Variants in ZER1 observed in about 807,000 individuals in gnomAD.
The protein encoded by ZER1 is protein zer-1 homolog.
ZER1 carries 11 observed loss-of-function variants against 78.8 expected under a neutral mutation model. The ratio of observed to expected loss-of-function variants is 0.14; its 90% CI spans 0.09 to 0.23. ZER1 has a LOEUF of 0.23. Ranked by LOEUF, ZER1 falls within the 10% of genes least tolerant of loss-of-function variation. The probability of loss-of-function intolerance (pLI) is 1.00; values close to 1 mark genes in which losing one functional copy is unlikely to be tolerated. For synonymous variants in ZER1, 400 were observed against 407.0 expected (o/e 0.98, Z 0.21); for missense variants, 588 against 996.9 (o/e 0.59, Z 5.52).
chr9:128,753,224 A>C lies in ZER1; in HGVS notation c.686T>G (p.Leu229Arg). The C allele has an allele frequency of 6.3e-7, 1 of 1,586,122 alleles. No homozygotes were observed. The highest frequency in any genetic ancestry group is 1.3e-5 in the African/African-American group (1 of 74,464). Residue 229 changes from leucine (L) to arginine (R), a missense_variant, in exon 4 of 16, where the codon CTC (leucine) becomes CGC (arginine). Around this residue, in one of 3 missense-constraint regions of ZER1, gnomAD observed 406 missense variants for 660.1 expected, o/e 0.62. Transcript: ENST00000291900. This position sits in a 1 kb window ranked among gnomAD's most constrained non-coding sequence, Gnocchi z 7.5. ...GTCGTCGGACAGGTCCATGTTGTAG[A>C]GGACGAGGGACACCAGGCTGTCTTT... Reference protein sequence around the residue: ...QWKDSLVSLVLYNMDLSDDHI... With the variant: ...QWKDSLVSLVRYNMDLSDDHI...
Position 128,753,229 on chromosome 9 carries a change from G to A in ZER1, c.681C>T (p.Leu227=), listed in dbSNP as rs151223169. Residue 227 remains leucine (L), a synonymous_variant, in exon 4 of 16, where the codon CTC becomes CTT. Coordinates refer to ENST00000291900, the MANE Select transcript of ZER1 (RefSeq NM_006336.4). This position sits in a 1 kb window ranked among gnomAD's most constrained non-coding sequence, Gnocchi z 7.5. ...LTQWKDSLVS[L]VLYNMDLSDD... ...CGGACAGGTCCATGTTGTAGAGGAC[G>A]AGGGACACCAGGCTGTCTTTCCACT... The A allele has an allele frequency of 7.7e-5, 122 of 1,589,358 alleles. No homozygotes were observed. The African/African-American group carries it at 1.0e-3, about 13-fold the overall frequency.
At chr9:128,733,831 A>C (rs1862928298) in intron 14 of ZER1, among the ~76,000 whole-genome samples, 2 of 146,006 alleles carry the variant, frequency 1.4e-5, no homozygotes, top group Admixed American at 1.4e-4. Flanking sequence ...ATATAATCTT[A>C]AAATATATAT....
intron 11 of ZER1, 115 bp from the exon 12 acceptor site, chr9:128,741,002 G>A (rs1299095903): frequency 1.2e-5 from 8 of 669,888 alleles, no homozygotes; most frequent in African/African-American, 7.2e-5. Flanking sequence ...ACAAAGAGGG[G>A]GCATATATGC....
chr9:128,741,478 A>T lies in ZER1; in HGVS notation c.1737+57T>A, dbSNP rs899988950. ...TTTGGTTGGTGGGGAGCCTAGGGAC[A>T]GAAGAGGGGCCATGTGGGCAGCTGA... is the stretch of plus-strand genomic sequence containing the variant. On this transcript the variant is annotated intron_variant, in intron 11 of 15. Transcript: ENST00000291900. 6.2e-6 allele frequency: 10 copies of T among 1,612,854 alleles called. No individual in the cohort carries two copies. In the African/African-American group the frequency reaches 1.3e-4, roughly 22 times the overall value.
At position 128,753,689 on chromosome 9, in the gene ZER1, A is replaced by G. The variant is rs1863762514; in HGVS notation, c.310-89T>C. 1 of 1,564,594 alleles carries G rather than the reference A, an allele frequency of 6.4e-7. No individual in the cohort carries two copies. The highest frequency in any genetic ancestry group is 8.7e-7 in the Non-Finnish European group (1 of 1,155,898). ...GCCCTGGGCTACAGGTGGGTTGGAA[A>G]GGGGGATGTGCACAGTCACGGTGCA... On this transcript the variant is annotated intron_variant, in intron 3 of 15. Coordinates refer to ENST00000291900, the MANE Select transcript of ZER1 (RefSeq NM_006336.4). The surrounding 1 kb of genome is among the most constrained non-coding windows in gnomAD (Gnocchi z 7.5).
At chr9:128,743,893 C>CTTTT (rs35174986) in intron 8 of ZER1, among the ~76,000 whole-genome samples, 3 of 38,538 alleles carry the variant, frequency 7.8e-5, no homozygotes, top group Admixed American at 3.9e-4. Flanking sequence ...ATGGCCCCTG[C>CTTTT]TTTTTTTTTT....
In ZER1 at chr9:128,738,683, CCTT is replaced by C. The variant is rs199662239; in HGVS notation, c.2042+1245_2042+1247del. 2.1e-3 allele frequency among the ~76,000 whole-genome samples: 322 copies of C among 151,590 alleles called. 9 individuals carry two copies. The East Asian group carries it at 0.054, about 25-fold the overall frequency. The stretch of plus-strand genomic sequence containing the variant: ...TACGGGTGTGAGCCACCGCGCCTGA[CCTT>C]CTTCTTTTTTTTAAAGAAATGGTCT... On this transcript the variant is annotated intron_variant, in intron 13 of 15. Coordinates refer to ENST00000291900, the MANE Select transcript of ZER1 (RefSeq NM_006336.4).
chr9:128,759,155 C>A (rs1291518947), intron 1 of ZER1, among the ~76,000 whole-genome samples: 4 of 151,842 alleles, frequency 2.6e-5, no homozygotes, highest in Non-Finnish European at 5.9e-5. Flanking sequence ...GGCCACCGCG[C>A]CCAGCCAGTG....
chr9:128,731,434 G>T, intron 15 of ZER1, 40 bp from the exon 16 acceptor site: 5 of 1,420,414 alleles, frequency 3.5e-6, no homozygotes, highest in Admixed American at 3.5e-5. Flanking sequence ...GGGTGGGCTT[G>T]GGTGGGGGTG....
chr9:128,739,741 G>C (rs1274766917), intron 13 of ZER1, among the ~76,000 whole-genome samples, 190 bp downstream of exon 13: 2 of 152,064 alleles, frequency 1.3e-5, no homozygotes, highest in African/African-American at 4.8e-5. Context: ...GCTCCAGGCT[G>C]CACGGATGAG....
chr9:128,743,283 T>G (rs1413785468), intron 8 of ZER1, among the ~76,000 whole-genome samples: 1 of 151,704 alleles, frequency 6.6e-6, no homozygotes, highest in Admixed American at 6.6e-5. Context: ...GCCCGGCTAA[T>G]TTTTGTATTT....
At chr9:128,749,919 T>C (rs1342887664) in intron 8 of ZER1, among the ~76,000 whole-genome samples, 2 of 152,188 alleles carry the variant, frequency 1.3e-5, no homozygotes, top group Non-Finnish European at 2.9e-5. Flanking sequence ...GGCGCATGCC[T>C]GTAATCCCAG....
intron 1 of ZER1, among the ~76,000 whole-genome samples, chr9:128,767,838 TC>T (rs1864263999): frequency 6.6e-6 from 1 of 152,156 alleles, no homozygotes; most frequent in Non-Finnish European, 1.5e-5. Flanking sequence ...ATTGAAAGCT[TC>T]CTGAGGGCAG....
chr9:128,751,359 C>T lies in ZER1; in HGVS notation c.1038+54G>A, dbSNP rs1352439123. On this transcript the variant is annotated intron_variant, in intron 6 of 15. Transcript: ENST00000291900. This position sits in a 1 kb window ranked among gnomAD's most constrained non-coding sequence, Gnocchi z 5.4. ...CAGTCTCCAGCCCCAGAATCCAGCTCCTTCTCTCTCCCAAGGCTCCCTGGC... is the reference window on the plus strand; with the variant it reads ...CAGTCTCCAGCCCCAGAATCCAGCTTCTTCTCTCTCCCAAGGCTCCCTGGC... 1 of 1,612,474 alleles carries T rather than the reference C, an allele frequency of 6.2e-7. No homozygotes were observed. The highest frequency in any genetic ancestry group is 2.2e-5 in the East Asian group (1 of 44,858).
chr9:128,758,121 GTTT>G (rs1166926419), intron 1 of ZER1, among the ~76,000 whole-genome samples: 1 of 137,496 alleles, frequency 7.3e-6, no homozygotes, highest in Non-Finnish European at 1.6e-5. Flanking sequence ...TTTAGTTTAG[GTTT>G]TTTTTTTTTT....
Position 128,751,704 on chromosome 9 carries a change from C to G in ZER1, c.924-177G>C, listed in dbSNP as rs1863684736. 6.6e-6 allele frequency among the ~76,000 whole-genome samples: 1 copy of G among 152,152 alleles called. No individual in the cohort carries two copies. The highest frequency in any genetic ancestry group is 1.5e-5 in the Non-Finnish European group (1 of 68,038). On this transcript the variant is annotated intron_variant, in intron 5 of 15. Transcript: ENST00000291900. This position sits in a 1 kb window ranked among gnomAD's most constrained non-coding sequence, Gnocchi z 5.4. ...GCACCACCTCCTGATGGAAGCATGG[C>G]AAAGCCACATAGTAGGGGAACACAT...
Position 128,750,807 on chromosome 9 carries a change from G to A in ZER1, c.1186-18C>T, listed in dbSNP as rs765180186. On this transcript the variant is annotated intron_variant, in intron 7 of 15. Transcript: ENST00000291900. ...ATGACCAGCTGTATGAAGACAAGGGGGACCTGGGCTGGCAAGTGCAGGGAG... is the reference window on the plus strand; with the variant it reads ...ATGACCAGCTGTATGAAGACAAGGGAGACCTGGGCTGGCAAGTGCAGGGAG... The A allele has an allele frequency of 6.2e-7, 1 of 1,613,806 alleles. No homozygotes were observed. Among genetic ancestry groups the A allele is most frequent in the South Asian group, 1.1e-5 (1 of 91,016 alleles).
chr9:128,764,327 G>T (rs1197270050), intron 1 of ZER1, among the ~76,000 whole-genome samples: 2 of 152,160 alleles, frequency 1.3e-5, no homozygotes, highest in Non-Finnish European at 2.9e-5. Context: ...CTGCACTCAG[G>T]ACACTGCTGG....
rs117159928 is a variant in ZER1, at chr9:128,752,611, G to T, written c.923+62C>A. The T allele has an allele frequency of 7.2e-3, 11,021 of 1,521,554 alleles. 40 individuals carry two copies. The highest frequency in any genetic ancestry group is 9.2e-3 in the Non-Finnish European group (10,479 of 1,133,752). The allele number at this position is 1,521,554 out of a possible 1,614,324, so 94.3% of individuals were successfully genotyped here. A position where few individuals can be genotyped will look rare whatever the true frequency, so the allele number is the denominator to read the frequency against. On this transcript the variant is annotated intron_variant, in intron 5 of 15. Coordinates refer to ENST00000291900, the MANE Select transcript of ZER1 (RefSeq NM_006336.4). ...GCTGGGATTACAGGCGTGAGCCACT[G>T]CGCCAGCCTAAATGCCTGTTGAATG...
Sources: allele counts gnomAD v4.1 joint callset (sites outside exome capture counted in the v4.1 genomes callset), GRCh38; gene constraint gnomAD v4.1.1; regional missense constraint gnomAD v4.1.1; non-coding constraint Gnocchi (gnomAD v3.1); transcripts MANE v1.5; gene names NCBI Gene and HGNC (gene_info 2026-07-23, HGNC 2026-07-21).